LIMS2: variants seen among roughly 807,000 people sequenced by gnomAD.
LIMS2 encodes the protein LIM zinc finger domain containing 2.
LIMS2 carries 30 observed loss-of-function variants against 45.3 expected under a neutral mutation model. The observed-to-expected ratio is 0.66, with a 90% CI of 0.50 to 0.90. The LOEUF is 0.90. Ranked by LOEUF, LIMS2 falls within the 40% of genes least tolerant of loss-of-function variation. LIMS2 has a pLI of 0.00. For synonymous variants in LIMS2, 173 were observed against 188.0 expected (o/e 0.92, Z 0.65); for missense variants, 485 against 468.7 (o/e 1.03, Z -0.32).
At chr2:127,655,001 A>G (rs1275296210) in intron 2 of LIMS2, 105 bp from the exon 3 acceptor site, 1 of 1,043,176 alleles carries the variant, frequency 9.6e-7, no homozygotes, top group Non-Finnish European at 1.5e-6. Flanking sequence ...TGAGGCACTG[A>G]GGCAGGGGCA....
intron 4 of LIMS2, chr2:127,650,752 T>C (rs1683663344): frequency 1.2e-6 from 2 of 1,612,420 alleles, no homozygotes; most frequent in Non-Finnish European, 1.7e-6. Context: ...GGCCTTGAAG[T>C]GGCTCCCCCA....
rs776906493 is a variant in LIMS2 at position 127,640,876 on chromosome 2, A to G, written c.753+20T>C. On this transcript the variant is annotated intron_variant, in intron 7 of 9. Coordinates refer to ENST00000355119, the MANE Select transcript of LIMS2 (RefSeq NM_001161403.3). Reference sequence around the variant, plus strand: ...CACCCCTCCAGACCCGCATCCCTGAAGGTTCTGCACCGGGCTCACCTGGTT... The same window carrying G: ...CACCCCTCCAGACCCGCATCCCTGAGGGTTCTGCACCGGGCTCACCTGGTT... The G allele has an allele frequency of 1.2e-6, 2 of 1,609,142 alleles. No individual in the cohort carries two copies.
intron 1 of LIMS2, among the ~76,000 whole-genome samples, chr2:127,668,876 G>T (rs1685158344): frequency 6.6e-6 from 1 of 151,936 alleles, no homozygotes; most frequent in African/African-American, 2.4e-5. Flanking sequence ...GAGGCAGGCA[G>T]AGCCCAGGAA....
intron 1 of LIMS2, among the ~76,000 whole-genome samples, chr2:127,658,273 C>T (rs1684391684): frequency 2.6e-5 from 4 of 152,170 alleles, no homozygotes; most frequent in Admixed American, 2.6e-4. Flanking sequence ...GTGGTGCAAG[C>T]CTGTAGTCTC....
chr2:127,669,461 C>T (rs1347823044), intron 1 of LIMS2, among the ~76,000 whole-genome samples: 1 of 152,084 alleles, frequency 6.6e-6, no homozygotes, highest in African/African-American at 2.4e-5. Context: ...TGCCTGTAAT[C>T]CCAGCACTTT....
intron 4 of LIMS2, 39 bp from the exon 5 acceptor site, chr2:127,643,111 C>T: frequency 6.5e-7 from 1 of 1,537,818 alleles, no homozygotes. Context: ...AGCCCCCACT[C>T]CCACACAGCC....
chr2:127,675,602 C>T (rs1342228215), upstream of LIMS2, among the ~76,000 whole-genome samples: 1 of 152,102 alleles, frequency 6.6e-6, no homozygotes. Context: ...ACCCCCACCC[C>T]CACAGCCCCG....
intron 2 of LIMS2, 89 bp downstream of exon 2, chr2:127,657,314 G>A (rs954283897): frequency 6.6e-7 from 1 of 1,508,914 alleles, no homozygotes; most frequent in African/African-American, 1.4e-5. Flanking sequence ...CCTGTCACCA[G>A]TCGGGACCAC....
upstream of LIMS2, among the ~76,000 whole-genome samples, chr2:127,678,571 G>A (rs1685550147): frequency 1.3e-5 from 2 of 152,184 alleles, no homozygotes; most frequent in South Asian, 4.1e-4. This position sits in a 1 kb window ranked among gnomAD's most constrained non-coding sequence, Gnocchi z 5.3. Context: ...ACATTGAGAA[G>A]GCATCAAACA....
intron 1 of LIMS2, among the ~76,000 whole-genome samples, chr2:127,668,883 G>A (rs990100116): frequency 6.6e-6 from 1 of 151,816 alleles, no homozygotes; most frequent in Non-Finnish European, 1.5e-5. Flanking sequence ...GCAGAGCCCA[G>A]GAATTCAAGA....
At position 127,672,626 on chromosome 2, in the gene LIMS2, C is replaced by A. The variant is rs541096098; in HGVS notation, c.11+2388G>T. 6.6e-6 allele frequency among the ~76,000 whole-genome samples: 1 copy of A among 152,232 alleles called. No homozygotes were observed. The highest frequency in any genetic ancestry group is 1.5e-5 in the Non-Finnish European group (1 of 68,044). Reference sequence around the variant, plus strand: ...CCCTGAGTCAGCCTCCTCTCCTCCACCCGCTCAGCCACCCAGGAGAGGCCT... The same window carrying A: ...CCCTGAGTCAGCCTCCTCTCCTCCAACCGCTCAGCCACCCAGGAGAGGCCT... On this transcript the variant is annotated intron_variant, in intron 1 of 9. Coordinates refer to ENST00000355119, the MANE Select transcript of LIMS2 (RefSeq NM_001161403.3). The surrounding 1 kb of genome is among the most constrained non-coding windows in gnomAD (Gnocchi z 4.9).
chr2:127,649,924 G>T, intron 4 of LIMS2: 1 of 1,077,194 alleles, frequency 9.3e-7, no homozygotes, highest in South Asian at 1.4e-5. Flanking sequence ...CCCTGGTGGT[G>T]GATCTACTCT....
At chr2:127,676,919 C>T (rs879513066), upstream of LIMS2, among the ~76,000 whole-genome samples, 6 of 152,186 alleles carry the variant, frequency 3.9e-5, no homozygotes, top group Non-Finnish European at 5.9e-5. Flanking sequence ...ACCAGAGGCC[C>T]ATGCTCTCCA....
chr2:127,660,948 G>A (rs1205291881), intron 1 of LIMS2, among the ~76,000 whole-genome samples: 1 of 151,536 alleles, frequency 6.6e-6, no homozygotes, highest in Non-Finnish European at 1.5e-5. Flanking sequence ...GGATGTGGGG[G>A]TGGCCACCTC....
chr2:127,675,019 C>A lies in LIMS2; in HGVS notation c.6G>T (p.Thr2=). Residue 2 remains threonine, a synonymous_variant, in exon 1 of 10, where the codon ACG becomes ACT. Coordinates refer to ENST00000355119, the MANE Select transcript of LIMS2 (RefSeq NM_001161403.3). The part of the protein sequence containing the change: M[T]GSNMSDALAN... ...GCGTGGGTGGGGGCCGTTACCTTCC[C>A]GTCATGGTGGCAGCGACGCCGAGCC... The A allele has an allele frequency of 3.3e-6, 4 of 1,230,210 alleles. No homozygotes were observed. Among genetic ancestry groups the A allele is most frequent in the Non-Finnish European group, 3.0e-6 (3 of 985,754 alleles). The allele number at this position is 1,230,210 out of a possible 1,614,324, so 76.2% of individuals were successfully genotyped here. A position where few individuals can be genotyped will look rare whatever the true frequency, so the allele number is the denominator to read the frequency against.
chr2:127,653,710 G>T lies in LIMS2; in HGVS notation c.359+714C>A, dbSNP rs1022411337. Reference sequence around the variant, plus strand: ...AGCAGCTGTGGTGAGGGCTGCTGAGGGGTCAAGAGGAGGTGTGGGTCCCTG... The same window carrying T: ...AGCAGCTGTGGTGAGGGCTGCTGAGTGGTCAAGAGGAGGTGTGGGTCCCTG... On this transcript the variant is annotated intron_variant, in intron 4 of 9. Transcript: ENST00000355119. This position sits in a 1 kb window ranked among gnomAD's most constrained non-coding sequence, Gnocchi z 5.3. 1.3e-5 allele frequency among the ~76,000 whole-genome samples: 2 copies of T among 152,060 alleles called. No individual in the cohort carries two copies. The highest frequency in any genetic ancestry group is 1.3e-4 in the Admixed American group (2 of 15,274).
At chr2:127,678,215 G>A (rs893085597), upstream of LIMS2, among the ~76,000 whole-genome samples, 1 of 152,176 alleles carries the variant, frequency 6.6e-6, no homozygotes, top group Admixed American at 6.5e-5. The surrounding 1 kb of genome is among the most constrained non-coding windows in gnomAD (Gnocchi z 5.3). Flanking sequence ...CTACGGGGAG[G>A]CTGAGGAGGG....
chr2:127,648,794 G>T (rs972933365), intron 4 of LIMS2, among the ~76,000 whole-genome samples: 1 of 151,594 alleles, frequency 6.6e-6, no homozygotes, highest in South Asian at 2.1e-4. Context: ...GGTGGTGTGC[G>T]CCTGTAGTCC....
intron 4 of LIMS2, chr2:127,645,876 G>C (rs1558873548): frequency 6.6e-6 from 1 of 152,318 alleles, no homozygotes; most frequent in Non-Finnish European, 1.5e-5. Flanking sequence ...ACGTCCTGTT[G>C]TGTCCCTCAG....
Sources: allele counts gnomAD v4.1 joint callset (sites outside exome capture counted in the v4.1 genomes callset), GRCh38; gene constraint gnomAD v4.1.1; non-coding constraint Gnocchi (gnomAD v3.1); transcripts MANE v1.5; gene names NCBI Gene and HGNC (gene_info 2026-07-23, HGNC 2026-07-21).